Variants in ENOX1 observed in about 807,000 individuals in gnomAD.
ENOX1 encodes the protein ecto-NOX disulfide-thiol exchanger 1.
A neutral mutation model predicts 82.5 loss-of-function variants in ENOX1; 42 were observed. The ratio of observed to expected loss-of-function variants is 0.51; its 90% CI spans 0.40 to 0.66. The LOEUF (loss-of-function observed/expected upper bound fraction) is 0.66, where lower values mean the gene tolerates loss of function less well. ENOX1 is among the 30% of genes least tolerant of loss of function. The pLI is 0.00. For synonymous variants in ENOX1, 271 were observed against 282.2 expected (o/e 0.96, Z 0.40); for missense variants, 608 against 811.6 (o/e 0.75, Z 3.05).
intron 2 of ENOX1, among the ~76,000 whole-genome samples, chr13:43,634,976 C>T (rs911956371): frequency 6.6e-6 from 1 of 152,204 alleles, no homozygotes; most frequent in East Asian, 1.9e-4. Flanking sequence ...GGTATTAATT[C>T]CCCCAAGGAC....
At chr13:43,745,796 A>G (rs922733551) in intron 1 of ENOX1, among the ~76,000 whole-genome samples, 35 of 152,050 alleles carry the variant, frequency 2.3e-4, no homozygotes, top group African/African-American at 8.2e-4. Context: ...CATTCTTGTG[A>G]TAGTGAGTTC....
intron 10 of ENOX1, among the ~76,000 whole-genome samples, chr13:43,323,541 T>G (rs2047932764): frequency 1.3e-5 from 2 of 152,186 alleles, no homozygotes; most frequent in Non-Finnish European, 2.9e-5. Flanking sequence ...TGCTAAGTAT[T>G]TATATTATTA....
intron 2 of ENOX1, among the ~76,000 whole-genome samples, chr13:43,606,028 T>C (rs868708610): frequency 6.6e-6 from 1 of 152,162 alleles, no homozygotes; most frequent in African/African-American, 2.4e-5. Flanking sequence ...AAAGAAGACA[T>C]GCCAATGGCA....
At chr13:43,275,334 T>C (rs1313468686) in intron 12 of ENOX1, among the ~76,000 whole-genome samples, 2 of 152,208 alleles carry the variant, frequency 1.3e-5, no homozygotes, top group Non-Finnish European at 2.9e-5. Flanking sequence ...ACTATGTAAG[T>C]TTGGTTCCAT....
At chr13:43,464,683 T>A (rs2057642145) in intron 3 of ENOX1, among the ~76,000 whole-genome samples, 2 of 152,204 alleles carry the variant, frequency 1.3e-5, no homozygotes, top group South Asian at 4.1e-4. Context: ...TGTTAACATC[T>A]CACATTACCA....
At chr13:43,702,507 T>C (rs2086962943) in intron 1 of ENOX1, among the ~76,000 whole-genome samples, 1 of 152,218 alleles carries the variant, frequency 6.6e-6, no homozygotes, top group African/African-American at 2.4e-5. Context: ...GCTGAATTCC[T>C]ACTCTGTAAC....
At chr13:43,355,249 G>A (rs1394355704) in intron 8 of ENOX1, among the ~76,000 whole-genome samples, 1 of 152,198 alleles carries the variant, frequency 6.6e-6, no homozygotes, top group Non-Finnish European at 1.5e-5. Flanking sequence ...GCAGGTACCA[G>A]AGCCTTCCTA....
rs544106083 is a variant in ENOX1, at chr13:43,613,952, A to G, written c.-219+53527T>C. Among the ~76,000 whole-genome samples, 9 of 152,188 alleles carry G rather than the reference A, an allele frequency of 5.9e-5. No homozygotes were observed. In the East Asian group the frequency reaches 1.7e-3, roughly 29 times the overall value. On this transcript the variant is annotated intron_variant, in intron 2 of 16. Transcript: ENST00000690772. ...CTCTCAAAAAAAAAATAAATAAATA[A>G]ATAAAGGAGGTATATCTCATTTTAC...
intron 3 of ENOX1, among the ~76,000 whole-genome samples, chr13:43,455,556 G>A (rs114511391): frequency 3.8e-4 from 58 of 151,776 alleles, no homozygotes; most frequent in African/African-American, 1.3e-3. Context: ...TTCTCCTTCT[G>A]GCATGCTTAT....
intron 2 of ENOX1, among the ~76,000 whole-genome samples, chr13:43,548,655 C>A (rs1022158690): frequency 6.6e-6 from 1 of 152,154 alleles, no homozygotes; most frequent in Non-Finnish European, 1.5e-5. Context: ...CACATGCCAT[C>A]CCTGTGGTCT....
In ENOX1 at chr13:43,360,071, CA is replaced by C; in HGVS notation, c.383-15del. ...GAGGTGGAAGATCTAATAATCACAACAAAACAGAAAGTTTTATCTTTCATTT... is the reference window on the plus strand; with the variant it reads ...GAGGTGGAAGATCTAATAATCACAACAAACAGAAAGTTTTATCTTTCATTT... On this transcript the variant is annotated splice_polypyrimidine_tract_variant and intron_variant, in intron 6 of 16. Coordinates refer to ENST00000690772, the MANE Select transcript of ENOX1 (RefSeq NM_001347969.2). 6.2e-7 allele frequency: 1 copy of C among 1,611,686 alleles called. No homozygotes were observed. Among genetic ancestry groups the C allele is most frequent in the African/African-American group, 1.3e-5 (1 of 74,952 alleles).
intron 1 of ENOX1, among the ~76,000 whole-genome samples, chr13:43,694,146 C>T (rs1433857144): frequency 6.6e-6 from 1 of 151,792 alleles, no homozygotes; most frequent in Non-Finnish European, 1.5e-5. Flanking sequence ...TTGAAAAATG[C>T]ACCAAGCCTG....
At chr13:43,330,750 G>A (rs1166554279) in intron 9 of ENOX1, among the ~76,000 whole-genome samples, 1 of 152,180 alleles carries the variant, frequency 6.6e-6, no homozygotes, top group Non-Finnish European at 1.5e-5. Flanking sequence ...GAGCCTTGAT[G>A]AAGTTGCTAA....
intron 2 of ENOX1, among the ~76,000 whole-genome samples, chr13:43,620,950 T>C (rs1236616789): frequency 6.6e-6 from 1 of 152,202 alleles, no homozygotes; most frequent in Non-Finnish European, 1.5e-5. Flanking sequence ...CATGTATGTT[T>C]AGGATTGTGA....
chr13:43,289,304 C>T (rs2045873166), intron 12 of ENOX1, among the ~76,000 whole-genome samples: 1 of 152,100 alleles, frequency 6.6e-6, no homozygotes, highest in Admixed American at 6.5e-5. Flanking sequence ...CATCACACTA[C>T]CTGACTTCAA....
intron 2 of ENOX1, among the ~76,000 whole-genome samples, chr13:43,558,138 C>A (rs1426766431): frequency 6.6e-6 from 1 of 152,136 alleles, no homozygotes; most frequent in Non-Finnish European, 1.5e-5. Context: ...CTGAGCTGTC[C>A]AGAAGGCAGC....
chr13:43,552,743 T>A (rs2079259320), intron 2 of ENOX1, among the ~76,000 whole-genome samples: 4 of 152,142 alleles, frequency 2.6e-5, no homozygotes, highest in Admixed American at 6.5e-5. Flanking sequence ...CTACCTAACC[T>A]TGTAGTCCTC....
intron 2 of ENOX1, among the ~76,000 whole-genome samples, chr13:43,650,248 C>T (rs2084095370): frequency 1.3e-5 from 2 of 152,096 alleles, no homozygotes; most frequent in Admixed American, 1.3e-4. Flanking sequence ...CAATAAAGGG[C>T]CAGATAGTAA....
At chr13:43,497,653 A>G (rs1420772370) in intron 2 of ENOX1, among the ~76,000 whole-genome samples, 1 of 152,108 alleles carries the variant, frequency 6.6e-6, no homozygotes, top group African/African-American at 2.4e-5. Context: ...TTGTATGTTA[A>G]ACATTTTTGT....
Sources: gnomAD v4.1 joint callset for allele counts (sites outside exome capture counted in the v4.1 genomes callset) on GRCh38, gnomAD v4.1.1 for gene constraint, MANE v1.5 for transcripts, NCBI Gene and HGNC (gene_info 2026-07-23, HGNC 2026-07-21) for gene names.